OSBPL9: variants seen among roughly 807,000 people sequenced by gnomAD.
OSBPL9 encodes the protein oxysterol binding protein like 9, also known as oxysterol-binding protein-related protein 9.
Under a neutral mutation model 106.6 loss-of-function variants are expected in OSBPL9, and 40 were observed. The ratio of observed to expected loss-of-function variants is 0.38; its 90% CI spans 0.29 to 0.49. The LOEUF (loss-of-function observed/expected upper bound fraction) is 0.49. Among genes scored for constraint, OSBPL9 ranks in the 20% least tolerant of loss-of-function variants. OSBPL9 has a pLI of 0.97. For synonymous variants in OSBPL9, 269 were observed against 295.4 expected (o/e 0.91, Z 0.92); for missense variants, 609 against 887.2 (o/e 0.69, Z 3.98).
intron 2 of OSBPL9, among the ~76,000 whole-genome samples, chr1:51,603,043 T>A (rs1645331825): frequency 6.6e-6 from 1 of 151,958 alleles, no homozygotes; most frequent in Admixed American, 6.6e-5. Context: ...GTAGTCCCAG[T>A]TATAGGGTGG....
At chr1:51,595,269 G>A (rs893895145) in intron 1 of OSBPL9, among the ~76,000 whole-genome samples, 1 of 152,078 alleles carries the variant, frequency 6.6e-6, no homozygotes, top group Non-Finnish European at 1.5e-5. Context: ...TTGCCTCTGG[G>A]GTGCTCGACT....
At chr1:51,618,444 G>T (rs1255858024) in intron 1 of OSBPL9, among the ~76,000 whole-genome samples, 2 of 152,112 alleles carry the variant, frequency 1.3e-5, no homozygotes, top group Non-Finnish European at 2.9e-5. Context: ...GACGATAGCC[G>T]ATATGAGGGA....
At chr1:51,519,031 G>T in the OSBPL9 span, among the ~76,000 whole-genome samples, 1 of 151,360 alleles carries the variant, frequency 6.6e-6, no homozygotes, top group Non-Finnish European at 1.5e-5. Flanking sequence ...GGCTCCGGAG[G>T]GCGCCCTCCC....
chr1:51,765,662 G>T, intron 11 of OSBPL9, 160 bp from the exon 12 acceptor site: 1 of 549,666 alleles, frequency 1.8e-6, no homozygotes, highest in Middle Eastern at 5.1e-4. Context: ...GCCATTTTCT[G>T]TGTGGAGTTT....
intron 1 of OSBPL9, among the ~76,000 whole-genome samples, chr1:51,627,176 T>G (rs2148642399): frequency 6.6e-6 from 1 of 152,140 alleles, no homozygotes; most frequent in East Asian, 1.9e-4. Flanking sequence ...CTACTTTTTT[T>G]ATTTGTAGAG....
At chr1:51,630,514 A>G (rs1480082529) in intron 1 of OSBPL9, among the ~76,000 whole-genome samples, 2 of 151,804 alleles carry the variant, frequency 1.3e-5, no homozygotes, top group Non-Finnish European at 2.9e-5. Flanking sequence ...AAAAATAGGT[A>G]TAAAAGATAA....
chr1:51,602,600 AT>A (rs200903727), intron 2 of OSBPL9, among the ~76,000 whole-genome samples: 4,904 of 150,198 alleles, frequency 0.033, 112 homozygotes, highest in Non-Finnish European at 0.051. Flanking sequence ...TTAAAAAAAA[AT>A]TTTTTTTTGT....
At chr1:51,621,189 A>T (rs1302778782) in intron 1 of OSBPL9, among the ~76,000 whole-genome samples, 1 of 152,124 alleles carries the variant, frequency 6.6e-6, no homozygotes, top group Non-Finnish European at 1.5e-5. Context: ...CAGATCCCAG[A>T]TTATTATTTC....
Position 51,728,476 on chromosome 1 carries a change from T to A in OSBPL9, c.318+14397T>A, listed in dbSNP as rs1412295687. Among the ~76,000 whole-genome samples the A allele has an allele frequency of 3.9e-5, 6 of 152,184 alleles. No homozygotes were observed. In the East Asian group the frequency reaches 1.2e-3, roughly 29 times the overall value. On this transcript the variant is annotated intron_variant, in intron 4 of 23. Coordinates refer to ENST00000428468, the MANE Select transcript of OSBPL9 (RefSeq NM_024586.6). Reference sequence around the variant, plus strand: ...CACTGAATGTGAAATGGGGAAGGTGTCTAGGAGGACTACTAGGTTTATGGT... The same window carrying A: ...CACTGAATGTGAAATGGGGAAGGTGACTAGGAGGACTACTAGGTTTATGGT...
At chr1:51,592,239 C>T (rs1366117027) in intron 1 of OSBPL9, among the ~76,000 whole-genome samples, 5 of 151,684 alleles carry the variant, frequency 3.3e-5, no homozygotes, top group Admixed American at 1.3e-4. Context: ...CCCAGCCTCC[C>T]GAGTAGCTGG....
intron 1 of OSBPL9, among the ~76,000 whole-genome samples, chr1:51,597,129 A>G (rs897184986): frequency 2.8e-4 from 42 of 152,270 alleles, no homozygotes; most frequent in African/African-American, 8.2e-4. Context: ...TTTGAGCATC[A>G]GAAAGAAAGC....
At chr1:51,695,351 C>G (rs1655803563) in intron 3 of OSBPL9, among the ~76,000 whole-genome samples, 1 of 152,164 alleles carries the variant, frequency 6.6e-6, no homozygotes, top group Non-Finnish European at 1.5e-5. Context: ...GCAAACATGA[C>G]AAACGCAGAT....
At chr1:51,719,193 G>A (rs1170164264) in intron 4 of OSBPL9, among the ~76,000 whole-genome samples, 1 of 152,170 alleles carries the variant, frequency 6.6e-6, no homozygotes. Context: ...TAGACTGAAG[G>A]TGACAGAAGA....
intron 4 of OSBPL9, 79 bp downstream of exon 4, chr1:51,714,158 T>TTA: frequency 2.9e-6 from 3 of 1,037,724 alleles, no homozygotes; most frequent in South Asian, 1.6e-5. Context: ...TTTTTTTTTT[T>TTA]AAATAACTGT....
chr1:51,680,890 C>T (rs1053705458), intron 3 of OSBPL9, among the ~76,000 whole-genome samples: 1 of 152,022 alleles, frequency 6.6e-6, no homozygotes, highest in African/African-American at 2.4e-5. Context: ...TGCCCAATTG[C>T]GTTTACTCTT....
intron 1 of OSBPL9, among the ~76,000 whole-genome samples, chr1:51,634,045 T>G (rs549774979): frequency 6.6e-6 from 1 of 152,348 alleles, no homozygotes; most frequent in South Asian, 2.1e-4. Flanking sequence ...AGGATGAGAC[T>G]TGGAATTAGG....
chr1:51,654,236 T>C (rs1414859339), intron 2 of OSBPL9, among the ~76,000 whole-genome samples: 1 of 152,192 alleles, frequency 6.6e-6, no homozygotes, highest in Non-Finnish European at 1.5e-5. Flanking sequence ...ACATAGTGTC[T>C]AGTTTTTGCC....
At chr1:51,585,908 C>T (rs1043538197) in intron 1 of OSBPL9, among the ~76,000 whole-genome samples, 4 of 151,564 alleles carry the variant, frequency 2.6e-5, no homozygotes, top group African/African-American at 7.3e-5. Context: ...AGCGGTGACT[C>T]GCACTTGTAA....
intron 4 of OSBPL9, among the ~76,000 whole-genome samples, chr1:51,727,288 G>T (rs1281018409): frequency 2.6e-5 from 4 of 152,048 alleles, no homozygotes; most frequent in African/African-American, 9.7e-5. Context: ...TGGACATCTG[G>T]CAAAATTGAT....
Sources: allele counts gnomAD v4.1 joint callset (sites outside exome capture counted in the v4.1 genomes callset), GRCh38; gene constraint gnomAD v4.1.1; transcripts MANE v1.5; gene names NCBI Gene and HGNC (gene_info 2026-07-23, HGNC 2026-07-21).